The following STON1 variants were observed in gnomAD, a reference collection of about 807,000 sequenced individuals.
The protein encoded by STON1 is stonin 1.
In STON1, 79 loss-of-function variants were observed where a neutral mutation model predicts 60.9. The observed-to-expected ratio is 1.30, with a 90% CI of 1.08 to 1.56. STON1 has a LOEUF of 1.56. STON1 is among the 40% of genes most tolerant of loss of function. The pLI, the probability that STON1 is intolerant of heterozygous loss-of-function variation, is 0.00. For missense variants in STON1, 1,166 were observed against 858.9 expected (o/e 1.36, Z -4.47); for synonymous variants, 363 against 306.9 (o/e 1.18, Z -1.91).
chr2:48,582,529 A>T lies in STON1; in HGVS notation c.1896A>T (p.Val632=), dbSNP rs764978582. The T allele has an allele frequency of 3.1e-6, 5 of 1,612,146 alleles. No homozygotes were observed. In the East Asian group the frequency reaches 1.1e-4, roughly 36 times the overall value. The change falls in exon 2 of 4, where the codon GTA becomes GTT. Residue 632 remains valine (V), a synonymous_variant. Transcript: ENST00000404752. ...AKYESAYQAV[V]WKIDRLPDKN... Reference sequence around the variant, plus strand: ...ATGAGAGTGCCTACCAGGCAGTGGTATGGAAGATAGATCGGCTTCCAGACA... The same window carrying T: ...ATGAGAGTGCCTACCAGGCAGTGGTTTGGAAGATAGATCGGCTTCCAGACA...
At chr2:48,554,482 C>G (rs1463183846) in intron 1 of STON1, among the ~76,000 whole-genome samples, 1 of 152,196 alleles carries the variant, frequency 6.6e-6, no homozygotes, top group African/African-American at 2.4e-5. Context: ...CTCGGCCTCC[C>G]AAAGTGCTAG....
At position 48,595,242 on chromosome 2, in the gene STON1, G is replaced by A. The variant is rs2140551; in HGVS notation, c.2148G>A (p.Lys716=). Residue 716 remains lysine (K), a synonymous_variant, in exon 4 of 4, where the codon AAG becomes AAA. Coordinates refer to ENST00000404752, the MANE Select transcript of STON1 (RefSeq NM_006873.4). ...ACYNIQVEIE[K]KWIKIDGEDP... ...TTGCATAACAGGTTGAAATAGAAAAGAAGTGGATTAAAATCGATGGAGAAG... is the reference window on the plus strand; with the variant it reads ...TTGCATAACAGGTTGAAATAGAAAAAAAGTGGATTAAAATCGATGGAGAAG... 857,746 of 1,611,346 alleles carry A rather than the reference G, an allele frequency of 0.53. 232,428 individuals carry two copies. Among genetic ancestry groups the A allele is most frequent in the Middle Eastern group, 0.72 (4,351 of 6,058 alleles).
intron 1 of STON1, among the ~76,000 whole-genome samples, chr2:48,544,842 C>T (rs1240011925): frequency 1.3e-5 from 2 of 152,280 alleles, no homozygotes; most frequent in East Asian, 1.9e-4. Context: ...CCACTGAGCC[C>T]GGCCATAAGG....
chr2:48,540,012 T>C (rs1048143133), intron 1 of STON1, among the ~76,000 whole-genome samples: 1 of 152,158 alleles, frequency 6.6e-6, no homozygotes, highest in Non-Finnish European at 1.5e-5. Flanking sequence ...ACTGCATGTA[T>C]GGTCATTAAA....
intron 1 of STON1, among the ~76,000 whole-genome samples, chr2:48,534,881 C>G (rs1254943963): frequency 6.6e-6 from 1 of 152,198 alleles, no homozygotes; most frequent in Non-Finnish European, 1.5e-5. Context: ...AGTCACTTCT[C>G]TTTAGAAGTC....
chr2:48,538,006 T>C (rs2103743423), intron 1 of STON1, among the ~76,000 whole-genome samples: 1 of 151,578 alleles, frequency 6.6e-6, no homozygotes, highest in South Asian at 2.1e-4. Flanking sequence ...CAGGCTAGAG[T>C]GCGGTGGCAT....
intron 1 of STON1, among the ~76,000 whole-genome samples, chr2:48,562,497 G>A (rs764164990): frequency 7.2e-5 from 11 of 152,182 alleles, no homozygotes; most frequent in Non-Finnish European, 1.5e-4. Flanking sequence ...TTTTGCTAAC[G>A]TTAATTTATT....
At chr2:48,561,738 C>T (rs1411888391) in intron 1 of STON1, among the ~76,000 whole-genome samples, 1 of 152,198 alleles carries the variant, frequency 6.6e-6, no homozygotes, top group East Asian at 1.9e-4. Flanking sequence ...TAACTTGCTC[C>T]TGTTTGAGAC....
intron 3 of STON1, among the ~76,000 whole-genome samples, chr2:48,594,116 TTCATTTCC>T (rs1168830235): frequency 6.6e-6 from 1 of 152,142 alleles, no homozygotes; most frequent in Non-Finnish European, 1.5e-5. Flanking sequence ...CCCATTTAGC[TTCATTTCC>T]TGCCTCACTC....
intron 1 of STON1, among the ~76,000 whole-genome samples, chr2:48,549,872 A>T (rs1672024437): frequency 7.1e-6 from 1 of 140,656 alleles, no homozygotes. Flanking sequence ...GTTTGGAGGT[A>T]GGAACCTGGC....
Position 48,581,181 on chromosome 2 carries a change from C to G in STON1, c.548C>G (p.Ser183Ter). 1 of 1,536,602 alleles carries G rather than the reference C, an allele frequency of 6.5e-7. No homozygotes were observed. The highest frequency in any genetic ancestry group is 8.7e-7 in the Non-Finnish European group (1 of 1,148,768). ...TATTTTCGAGAGGACTGTGCTTTTT[C>G]AAGTCCATTTTGGAAAGATGAAGGC... ...FQYFREDCAF[S>*]SPFWKDEGSD... is the part of the protein sequence containing the mutation. The change falls in exon 2 of 4, where the codon TCA becomes TGA. Residue 183 changes from serine (S) to a stop codon, truncating the protein, a stop_gained. Transcript: ENST00000404752. LOFTEE classifies it high-confidence loss of function.
chr2:48,574,941 C>T (rs146324216), intron 1 of STON1, among the ~76,000 whole-genome samples: 1 of 152,314 alleles, frequency 6.6e-6, no homozygotes, highest in African/African-American at 2.4e-5. Flanking sequence ...ACGATATGCA[C>T]ATTGTTGTAC....
intron 1 of STON1, among the ~76,000 whole-genome samples, chr2:48,544,906 G>A (rs181919871): frequency 1.3e-4 from 20 of 152,308 alleles, no homozygotes; most frequent in Admixed American, 1.0e-3. Flanking sequence ...TAACACGAAC[G>A]TAGAGAAAAA....
chr2:48,539,842 C>A (rs965609438), intron 1 of STON1, among the ~76,000 whole-genome samples: 10 of 152,000 alleles, frequency 6.6e-5, no homozygotes, highest in Non-Finnish European at 1.2e-4. Context: ...CTACTCTTTG[C>A]CCAAGCAGAT....
chr2:48,563,168 A>G (rs1366340697), intron 1 of STON1, among the ~76,000 whole-genome samples: 1 of 152,154 alleles, frequency 6.6e-6, no homozygotes, highest in Non-Finnish European at 1.5e-5. Flanking sequence ...ACCCATTCCC[A>G]TGGGAAATCC....
chr2:48,588,704 A>AT (rs1393709768), intron 2 of STON1, among the ~76,000 whole-genome samples: 5 of 151,978 alleles, frequency 3.3e-5, no homozygotes, highest in East Asian at 1.9e-4. Context: ...TTTTTTTTAA[A>AT]TTTTTTTTCC....
intron 1 of STON1, among the ~76,000 whole-genome samples, chr2:48,563,664 A>C (rs1408181905): frequency 1.3e-5 from 2 of 151,184 alleles, no homozygotes; most frequent in East Asian, 3.9e-4. Flanking sequence ...CACACCCTCC[A>C]CGTGGCTTTT....
intron 1 of STON1, among the ~76,000 whole-genome samples, chr2:48,570,855 T>G (rs1673167317): frequency 7.2e-6 from 1 of 139,462 alleles, no homozygotes; most frequent in African/African-American, 2.7e-5. Flanking sequence ...TTTTTTTTTT[T>G]TTTTTTTTTT....
intron 1 of STON1, among the ~76,000 whole-genome samples, chr2:48,578,520 C>G (rs540847057): frequency 1.4e-5 from 2 of 147,352 alleles, no homozygotes; most frequent in Middle Eastern, 3.5e-3. Context: ...CCTCCTTCTC[C>G]GCTTCCTCTT....
Sources: allele counts gnomAD v4.1 joint callset (sites outside exome capture counted in the v4.1 genomes callset), GRCh38; gene constraint gnomAD v4.1.1; transcripts MANE v1.5; gene names NCBI Gene and HGNC (gene_info 2026-07-23, HGNC 2026-07-21).